Variants in PLEKHG5 observed in about 807,000 individuals in gnomAD.
The protein encoded by PLEKHG5 is pleckstrin homology domain-containing family G member 5.
A neutral mutation model predicts 103.8 loss-of-function variants in PLEKHG5; 52 were observed. The ratio of observed to expected loss-of-function variants is 0.50; its 90% CI spans 0.40 to 0.63. The LOEUF is 0.63. PLEKHG5 is among the 30% of genes least tolerant of loss of function. PLEKHG5 has a pLI of 0.00. For missense variants in PLEKHG5, 1,205 were observed against 1,347.6 expected (o/e 0.89, Z 1.66); for synonymous variants, 592 against 575.5 (o/e 1.03, Z -0.41).
chr1:6,470,961 GC>G, intron 13 of PLEKHG5, 28 bp downstream of exon 13: 1 of 1,563,672 alleles, frequency 6.4e-7, no homozygotes, highest in Non-Finnish European at 8.7e-7. Flanking sequence ...GTCCTCCTGC[GC>G]CCCCGCCCAC....
upstream of PLEKHG5, among the ~76,000 whole-genome samples, chr1:6,496,054 GC>G (rs1645219411): frequency 6.6e-6 from 1 of 152,136 alleles, no homozygotes; most frequent in Non-Finnish European, 1.5e-5. Context: ...GGTCACACTC[GC>G]CAAGTCCCAA....
In PLEKHG5 at chr1:6,477,556, G is replaced by A; in HGVS notation, c.16C>T (p.His6Tyr). Reference protein sequence around the residue: MHYDGHVRFDLPPQGS... With the variant: MHYDGYVRFDLPPQGS... ...TGTGGGGGAAGGTCGAAGCGGACATGCCCATCATAATGCATGGTGCTGTGG... is the reference window on the plus strand; with the variant it reads ...TGTGGGGGAAGGTCGAAGCGGACATACCCATCATAATGCATGGTGCTGTGG... The change falls in exon 2 of 21, where the codon CAT (histidine) becomes TAT (tyrosine). Residue 6 changes from histidine to tyrosine, a missense_variant. By Grantham distance (83) the His-to-Tyr change is moderately conservative. Coordinates refer to ENST00000377728, the MANE Select transcript of PLEKHG5 (RefSeq NM_020631.6). 1 of 1,612,496 alleles carries A rather than the reference G, an allele frequency of 6.2e-7. No homozygotes were observed. Among genetic ancestry groups the A allele is most frequent in the Non-Finnish European group, 8.5e-7 (1 of 1,179,940 alleles).
intron 1 of PLEKHG5, among the ~76,000 whole-genome samples, chr1:6,503,662 G>A (rs556021264): frequency 4.6e-5 from 7 of 152,224 alleles, no homozygotes; most frequent in East Asian, 1.9e-4. Context: ...CACCCGCCTC[G>A]GCCTAGCAAA....
Position 6,486,363 on chromosome 1 carries a change from C to T in PLEKHG5, c.-88+5274G>A, listed in dbSNP as rs1384739120. Among the ~76,000 whole-genome samples, 1 of 152,070 alleles carries T rather than the reference C, an allele frequency of 6.6e-6. No individual in the cohort carries two copies. Among genetic ancestry groups the T allele is most frequent in the East Asian group, 1.9e-4 (1 of 5,166 alleles). On this transcript the variant is annotated intron_variant, in intron 1 of 20. Transcript: ENST00000377728. The surrounding 1 kb of genome is among the most constrained non-coding windows in gnomAD (Gnocchi z 5.3). ...ACCCACCCCAACCTCACAACCAGCT[C>T]TCATCTCAGCCCCTCCCATCAACCT...
chr1:6,502,736 G>A (rs1645309404), intron 1 of PLEKHG5, among the ~76,000 whole-genome samples: 1 of 152,226 alleles, frequency 6.6e-6, no homozygotes, highest in African/African-American at 2.4e-5. Flanking sequence ...CCCCATCACA[G>A]GCAGGGCTGG....
intron 1 of PLEKHG5, chr1:6,506,278 G>C (rs1018144521): frequency 2.6e-5 from 4 of 152,364 alleles, no homozygotes; most frequent in Non-Finnish European, 5.9e-5. Flanking sequence ...GGCTGGCCTC[G>C]GCTGGCAGGC....
At chr1:6,497,388 G>A, upstream of PLEKHG5, 1 of 1,067,810 alleles carries the variant, frequency 9.4e-7, no homozygotes, top group Non-Finnish European at 1.1e-6. The surrounding 1 kb of genome is among the most constrained non-coding windows in gnomAD (Gnocchi z 6.1). Flanking sequence ...GCCGGGGACT[G>A]GGAGGCCGCA....
Position 6,469,224 on chromosome 1 carries a change from C to T in PLEKHG5, c.2067G>A (p.Leu689=), listed in dbSNP as rs950263815. The part of the protein sequence containing the change: ...IYNAQNQLQQ[L]RAQEPPGSQQ... ...GACTGCCTGGGGGCTCCTGTGCACG[C>T]AGCTGTTGCAGCTGGTTCTGCAGGC... The change falls in exon 19 of 21, where the codon CTG becomes CTA. Residue 689 remains leucine (L), a synonymous_variant. Coordinates refer to ENST00000377728, the MANE Select transcript of PLEKHG5 (RefSeq NM_020631.6). 1.2e-6 allele frequency: 2 copies of T among 1,613,880 alleles called. No homozygotes were observed. The highest frequency in any genetic ancestry group is 8.5e-7 in the Non-Finnish European group (1 of 1,180,014).
chr1:6,475,207 C>T (rs1644726380), intron 4 of PLEKHG5, 69 bp from the exon 5 acceptor site: 2 of 801,768 alleles, frequency 2.5e-6, no homozygotes, highest in Non-Finnish European at 4.2e-6. Flanking sequence ...CTCCTCCCCA[C>T]CCTCCTTCCC....
chr1:6,481,770 A>G (rs1399727807), intron 1 of PLEKHG5, among the ~76,000 whole-genome samples: 1 of 151,272 alleles, frequency 6.6e-6, no homozygotes, highest in South Asian at 2.1e-4. Context: ...AGGCTGAGGC[A>G]GGAGAATTGT....
At chr1:6,519,572 G>T (rs538047164) in exon 1 of PLEKHG5, 24 of 1,260,184 alleles carry the variant, frequency 1.9e-5, no homozygotes, top group South Asian at 2.4e-5. Context: ...AATGCCACAG[G>T]CCTCTCTAAT....
chr1:6,468,180 G>A lies in PLEKHG5; in HGVS notation c.2656C>T (p.Leu886=). The change falls in exon 20 of 21, where the codon CTG becomes TTG. Residue 886 remains leucine, a synonymous_variant. Transcript: ENST00000377728. Reference sequence around the variant, plus strand: ...GTCCCATGGGTGCCAGCCCCTGCCAGCAGCTGGAGGAGGCTGGCCTCGGAC... The same window carrying A: ...GTCCCATGGGTGCCAGCCCCTGCCAACAGCTGGAGGAGGCTGGCCTCGGAC... ...SKSEASLLQL[L]AGAGTHGTPS... is the part of the protein sequence containing the mutation. 1 of 1,569,258 alleles carries A rather than the reference G, an allele frequency of 6.4e-7. No homozygotes were observed. Among genetic ancestry groups the A allele is most frequent in the Non-Finnish European group, 8.7e-7 (1 of 1,155,894 alleles).
intron 1 of PLEKHG5, among the ~76,000 whole-genome samples, chr1:6,504,849 A>G (rs1006237902): frequency 2.6e-5 from 4 of 152,276 alleles, no homozygotes; most frequent in African/African-American, 7.2e-5. Context: ...GATTACAGGC[A>G]TGAGCCACCG....
intron 1 of PLEKHG5, among the ~76,000 whole-genome samples, chr1:6,503,407 C>CTTTT (rs111752953): frequency 8.0e-6 from 1 of 125,568 alleles, no homozygotes; most frequent in African/African-American, 3.0e-5. Flanking sequence ...ACAACCCTGT[C>CTTTT]TTTTTTTTTT....
intron 19 of PLEKHG5, 45 bp downstream of exon 19, chr1:6,468,997 T>G (rs1038422506): frequency 6.6e-7 from 1 of 1,512,224 alleles, no homozygotes; most frequent in South Asian, 1.1e-5. Flanking sequence ...TGGGCTAGAG[T>G]ACTTGTCCTG....
intron 1 of PLEKHG5, among the ~76,000 whole-genome samples, chr1:6,511,629 G>A (rs1038840115): frequency 5.9e-5 from 9 of 152,206 alleles, no homozygotes; most frequent in African/African-American, 9.7e-5. Flanking sequence ...CCAGGCGCTG[G>A]GACTGAGGCA....
At position 6,505,384 on chromosome 1, in the gene PLEKHG5, C is replaced by CTCCCTGTT. The variant is rs879402002; in HGVS notation, c.-164-8816_-164-8815insAACAGGGA. On this transcript the variant is annotated intron_variant, in intron 1 of 21. Transcript: ENST00000377740. This position sits in a 1 kb window ranked among gnomAD's most constrained non-coding sequence, Gnocchi z 4.2. ...CAGGTGCGCCCTGCCTCTGCCACCG[C>CTCCCTGTT]TGTTTGAAGCTCCCTGTGTGTCATC... Among the ~76,000 whole-genome samples the CTCCCTGTT allele has an allele frequency of 4.1e-4, 62 of 152,294 alleles. No homozygotes were observed. The highest frequency in any genetic ancestry group is 8.2e-4 in the Non-Finnish European group (56 of 68,014).
In PLEKHG5 at chr1:6,469,632, G is replaced by C; in HGVS notation, c.1845C>G (p.Thr615=). The part of the protein sequence containing the change: ...CFLFTDLLLV[T]KAVKKAERTR... ...TCCTCTCTGCCTTCTTCACTGCTTT[G>C]GTCACCAACAGCAGATCCGTGAAGA... is the stretch of plus-strand genomic sequence containing the variant. The change falls in exon 17 of 21, where the codon ACC becomes ACG. Residue 615 remains threonine (T), a synonymous_variant. Transcript: ENST00000377728. 6.2e-7 allele frequency: 1 copy of C among 1,613,708 alleles called. No homozygotes were observed. Among genetic ancestry groups the C allele is most frequent in the Non-Finnish European group, 8.5e-7 (1 of 1,180,010 alleles).
intron 1 of PLEKHG5, among the ~76,000 whole-genome samples, chr1:6,508,460 A>G (rs773873700): frequency 5.9e-5 from 9 of 152,154 alleles, no homozygotes; most frequent in Non-Finnish European, 1.3e-4. Context: ...CGATGCAGGA[A>G]GGCAGAGGCA....
Sources: allele counts gnomAD v4.1 joint callset (sites outside exome capture counted in the v4.1 genomes callset), GRCh38; gene constraint gnomAD v4.1.1; non-coding constraint Gnocchi (gnomAD v3.1); transcripts MANE v1.5; gene names NCBI Gene and HGNC (gene_info 2026-07-23, HGNC 2026-07-21).